Variants in SDCCAG8 observed in about 807,000 individuals in gnomAD.
SDCCAG8 encodes the protein SHH signaling and ciliogenesis regulator SDCCAG8.
SDCCAG8 carries 74 observed loss-of-function variants against 101.8 expected under a neutral mutation model. The observed-to-expected ratio is 0.73, with a 90% CI of 0.60 to 0.88. The LOEUF is 0.88. SDCCAG8 is among the 40% of genes least tolerant of loss of function. The pLI is 0.00. For synonymous variants in SDCCAG8, 281 were observed against 292.9 expected (o/e 0.96, Z 0.41); for missense variants, 787 against 822.6 (o/e 0.96, Z 0.53).
intron 1 of SDCCAG8, among the ~76,000 whole-genome samples, chr1:243,259,798 G>A (rs977323058): frequency 7.2e-5 from 11 of 152,188 alleles, no homozygotes; most frequent in African/African-American, 2.7e-4. Context: ...TCGCGCCACT[G>A]CACTCCAGCC....
At chr1:243,391,077 G>A (rs1208299219) in intron 13 of SDCCAG8, among the ~76,000 whole-genome samples, 1 of 152,200 alleles carries the variant, frequency 6.6e-6, no homozygotes, top group African/African-American at 2.4e-5. Flanking sequence ...GGGATGACAT[G>A]TGCGTGCCAC....
At chr1:243,426,270 G>A (rs528521830) in intron 15 of SDCCAG8, among the ~76,000 whole-genome samples, 157 bp from the exon 16 acceptor site, 1 of 152,132 alleles carries the variant, frequency 6.6e-6, no homozygotes, top group African/African-American at 2.4e-5. Context: ...AATGTATCTT[G>A]CCATTTCTGA....
intron 17 of SDCCAG8, among the ~76,000 whole-genome samples, chr1:243,493,827 G>GGACACAGA (rs1353169449): frequency 6.6e-6 from 1 of 151,726 alleles, no homozygotes; most frequent in African/African-American, 2.4e-5. Flanking sequence ...AACAAGCAGG[G>GGACACAGA]GACACAGAGA....
intron 16 of SDCCAG8, chr1:243,475,999 A>G: frequency 1.0e-6 from 1 of 985,494 alleles, no homozygotes; most frequent in Non-Finnish European, 1.2e-6. Context: ...TGAGCCCTCC[A>G]GCAGGCCTAA....
chr1:243,469,846 T>C (rs981576055), intron 16 of SDCCAG8, among the ~76,000 whole-genome samples: 1 of 151,024 alleles, frequency 6.6e-6, no homozygotes, highest in Non-Finnish European at 1.5e-5. Context: ...TTTTTTTTTT[T>C]TTTTTAGTCT....
intron 13 of SDCCAG8, among the ~76,000 whole-genome samples, chr1:243,396,329 T>C (rs1158543748): frequency 6.6e-6 from 1 of 152,192 alleles, no homozygotes; most frequent in East Asian, 1.9e-4. Flanking sequence ...TTTCTTTAGA[T>C]AGATTATGTG....
At chr1:243,401,509 A>G (rs1241179967) in intron 13 of SDCCAG8, among the ~76,000 whole-genome samples, 1 of 152,192 alleles carries the variant, frequency 6.6e-6, no homozygotes, top group Non-Finnish European at 1.5e-5. Context: ...ATCCATGTCT[A>G]TTTGCCATTT....
intron 1 of SDCCAG8, chr1:243,268,199 A>C (rs993516797): frequency 5.8e-6 from 3 of 513,162 alleles, no homozygotes; most frequent in Non-Finnish European, 1.1e-5. Context: ...ATGTTAGTCA[A>C]ACTGTCTCGT....
intron 10 of SDCCAG8, among the ~76,000 whole-genome samples, chr1:243,332,353 ATCAT>A (rs2074668926): frequency 1.3e-5 from 2 of 152,228 alleles, no homozygotes; most frequent in Non-Finnish European, 2.9e-5. Flanking sequence ...TTTGAGAAAA[ATCAT>A]TTTGTCAGTG....
chr1:243,486,884 G>C (rs1014230968), intron 16 of SDCCAG8, among the ~76,000 whole-genome samples: 2 of 152,168 alleles, frequency 1.3e-5, no homozygotes, highest in Non-Finnish European at 2.9e-5. Flanking sequence ...GATGTCATTT[G>C]TCACGTTTCT....
At chr1:243,293,051 A>G in intron 5 of SDCCAG8, 40 bp from the exon 6 acceptor site, 1 of 1,612,054 alleles carries the variant, frequency 6.2e-7, no homozygotes. Context: ...GTTTATTTAA[A>G]GTTGAATTCA....
At chr1:243,307,261 A>G (rs935943951) in intron 7 of SDCCAG8, 2 of 284,508 alleles carry the variant, frequency 7.0e-6, no homozygotes, top group African/African-American at 4.6e-5. Context: ...AACTACACCC[A>G]CACCCACACC....
At chr1:243,323,160 G>A (rs2073897848) in intron 9 of SDCCAG8, among the ~76,000 whole-genome samples, 1 of 150,556 alleles carries the variant, frequency 6.6e-6, no homozygotes, top group Non-Finnish European at 1.5e-5. Flanking sequence ...CACTTAATGA[G>A]TTCCACTGAA....
At chr1:243,467,186 G>T (rs956887774) in intron 16 of SDCCAG8, among the ~76,000 whole-genome samples, 1 of 152,248 alleles carries the variant, frequency 6.6e-6, no homozygotes, top group African/African-American at 2.4e-5. Context: ...AAAGATTGAT[G>T]AATCTGGAAG....
chr1:243,337,925 T>C (rs2075123084), intron 10 of SDCCAG8, among the ~76,000 whole-genome samples: 2 of 152,132 alleles, frequency 1.3e-5, no homozygotes, highest in Non-Finnish European at 2.9e-5. Context: ...CTCTAGGGGA[T>C]TTAATTATTA....
intron 10 of SDCCAG8, among the ~76,000 whole-genome samples, chr1:243,334,825 C>T (rs1242554302): frequency 1.3e-5 from 2 of 152,094 alleles, no homozygotes; most frequent in African/African-American, 4.8e-5. Flanking sequence ...TGGGGTCAAG[C>T]AATGTACCCT....
intron 1 of SDCCAG8, among the ~76,000 whole-genome samples, chr1:243,259,406 CA>C (rs1276274485): frequency 6.6e-6 from 1 of 151,450 alleles, no homozygotes; most frequent in Non-Finnish European, 1.5e-5. Context: ...GACTCTGTCT[CA>C]AAAAACAACA....
At chr1:243,339,393 T>G (rs2075250186) in intron 10 of SDCCAG8, among the ~76,000 whole-genome samples, 3 of 152,212 alleles carry the variant, frequency 2.0e-5, no homozygotes, top group Admixed American at 2.0e-4. Context: ...AATTACACAT[T>G]CATAATATAT....
chr1:243,438,036 G>A (rs1243733252), intron 16 of SDCCAG8, among the ~76,000 whole-genome samples: 2 of 152,082 alleles, frequency 1.3e-5, no homozygotes, highest in Non-Finnish European at 2.9e-5. Context: ...CCCCTCCCCC[G>A]GGAGCTTGAG....
Sources: allele counts gnomAD v4.1 joint callset (sites outside exome capture counted in the v4.1 genomes callset), GRCh38; gene constraint gnomAD v4.1.1; transcripts MANE v1.5; gene names NCBI Gene and HGNC (gene_info 2026-07-23, HGNC 2026-07-21).